The following LINGO2 variants were observed in gnomAD, a reference collection of about 807,000 sequenced individuals.
The protein encoded by LINGO2 is leucine rich repeat and Ig domain containing 2, also known as leucine-rich repeat and immunoglobulin-like domain-containing nogo receptor-interacting protein 2.
LINGO2 carries 14 observed loss-of-function variants against 30.6 expected under a neutral mutation model. The ratio of observed to expected loss-of-function variants is 0.46; its 90% CI spans 0.30 to 0.72. The LOEUF (loss-of-function observed/expected upper bound fraction) is 0.72, where lower values mean the gene tolerates loss of function less well. Ranked by LOEUF, LINGO2 falls within the 30% of genes least tolerant of loss-of-function variation. The probability of loss-of-function intolerance (pLI) is 0.07; values close to 1 mark genes in which losing one functional copy is unlikely to be tolerated. For missense variants in LINGO2, 729 were observed against 751.7 expected (o/e 0.97, Z 0.35); for synonymous variants, 317 against 288.5 (o/e 1.10, Z -1.00).
In LINGO2 at chr9:28,496,792, G is replaced by C. The variant is rs192493811; in HGVS notation, c.-364-20767C>G. Reference sequence around the variant, plus strand: ...AATTTGGCATGTTTTTGCAGTGGCTGGTACCAGTTGTTCCTTTCCATGTTT... The same window carrying C: ...AATTTGGCATGTTTTTGCAGTGGCTCGTACCAGTTGTTCCTTTCCATGTTT... On this transcript the variant is annotated intron_variant, in intron 1 of 5. Transcript: ENST00000379992. Among the ~76,000 whole-genome samples, 1,278 of 152,258 alleles carry C rather than the reference G, an allele frequency of 8.4e-3. 14 individuals are homozygous for C. Among genetic ancestry groups the C allele is most frequent in the East Asian group, 0.021 (109 of 5,178 alleles).
Position 28,311,243 on chromosome 9 carries a change from T to C in LINGO2, c.-245-15877A>G, listed in dbSNP as rs573041879. Among the ~76,000 whole-genome samples, 6 of 152,030 alleles carry C rather than the reference T, an allele frequency of 3.9e-5. No individual in the cohort carries two copies. The South Asian group carries it at 1.2e-3, about 32-fold the overall frequency. On this transcript the variant is annotated intron_variant, in intron 3 of 5. Coordinates refer to ENST00000379992, the Ensembl canonical transcript of LINGO2. ...TCACATGCTTCACAAGGTAATAGAA[T>C]ATCACAAGGCAAATGGAGGCAGGGC...
At chr9:28,140,100 G>A (rs1563997482) in intron 4 of LINGO2, among the ~76,000 whole-genome samples, 1 of 152,146 alleles carries the variant, frequency 6.6e-6, no homozygotes, top group South Asian at 2.1e-4. Flanking sequence ...ATCTAAGCCA[G>A]GCTAAATCTT....
chr9:28,408,774 C>CAAAAAAAAAA (rs68142692), intron 2 of LINGO2, among the ~76,000 whole-genome samples: 3 of 127,480 alleles, frequency 2.4e-5, no homozygotes, highest in African/African-American at 6.5e-5. Context: ...TATAAAAAAA[C>CAAAAAAAAAA]AAAAAAAAAA....
chr9:28,853,329 A>C, the LINGO2 span, among the ~76,000 whole-genome samples: 2 of 152,052 alleles, frequency 1.3e-5, no homozygotes, highest in African/African-American at 4.8e-5. Flanking sequence ...AATGCATTTC[A>C]CAGACTCATT....
chr9:28,263,966 TG>T (rs1822655962), intron 4 of LINGO2, among the ~76,000 whole-genome samples: 1 of 151,954 alleles, frequency 6.6e-6, no homozygotes, highest in African/African-American at 2.4e-5. Flanking sequence ...GATTATTATT[TG>T]TTACTTAAAA....
intron 4 of LINGO2, among the ~76,000 whole-genome samples, chr9:28,089,641 C>T (rs964253592): frequency 4.6e-5 from 7 of 152,072 alleles, no homozygotes; most frequent in Middle Eastern, 3.2e-3. Context: ...AACCTAACAT[C>T]ACAATGAAAA....
At chr9:28,338,587 T>TC (rs1472748673) in intron 3 of LINGO2, among the ~76,000 whole-genome samples, 1 of 152,052 alleles carries the variant, frequency 6.6e-6, no homozygotes, top group Admixed American at 6.6e-5. Context: ...TTCCTATAAT[T>TC]CCCCCATGTA....
At chr9:28,591,343 G>A (rs1303016801) in intron 1 of LINGO2, among the ~76,000 whole-genome samples, 1 of 151,878 alleles carries the variant, frequency 6.6e-6, no homozygotes, top group Non-Finnish European at 1.5e-5. Context: ...CTGATTGGGA[G>A]ATTCCTGTTC....
chr9:28,591,137 C>A (rs1302565437), intron 1 of LINGO2, among the ~76,000 whole-genome samples: 4 of 150,934 alleles, frequency 2.7e-5, no homozygotes, highest in African/African-American at 7.3e-5. Flanking sequence ...GAAGGGGAAC[C>A]TCACACACTG....
At chr9:28,580,925 T>A (rs1824228116) in intron 1 of LINGO2, among the ~76,000 whole-genome samples, 1 of 151,962 alleles carries the variant, frequency 6.6e-6, no homozygotes, top group African/African-American at 2.4e-5. Context: ...AAATAAACAT[T>A]TTTTCACTGT....
At chr9:28,202,932 T>C (rs1469078143) in intron 4 of LINGO2, among the ~76,000 whole-genome samples, 1 of 152,214 alleles carries the variant, frequency 6.6e-6, no homozygotes, top group African/African-American at 2.4e-5. Flanking sequence ...CACAGGCTTA[T>C]TGTGAATAGA....
chr9:28,432,734 C>G (rs1347607542), intron 2 of LINGO2, among the ~76,000 whole-genome samples: 1 of 152,054 alleles, frequency 6.6e-6, no homozygotes, highest in East Asian at 1.9e-4. Context: ...TTATAAGATA[C>G]ATTTTGTATT....
the LINGO2 span, among the ~76,000 whole-genome samples, chr9:28,782,282 G>A: frequency 6.6e-6 from 1 of 152,134 alleles, no homozygotes; most frequent in African/African-American, 2.4e-5. Flanking sequence ...CTCAAAATGA[G>A]ACTGAATGTG....
At chr9:28,989,806 T>C in the LINGO2 span, among the ~76,000 whole-genome samples, 2 of 152,302 alleles carry the variant, frequency 1.3e-5, no homozygotes, top group East Asian at 1.9e-4. Flanking sequence ...AAGTGGAACA[T>C]AAACATATGT....
At chr9:27,959,415 C>T (rs1181737959) in intron 5 of LINGO2, among the ~76,000 whole-genome samples, 5 of 152,144 alleles carry the variant, frequency 3.3e-5, no homozygotes, top group African/African-American at 9.6e-5. Flanking sequence ...TCCCTTTCTA[C>T]ATGCTTTAGC....
chr9:28,428,264 T>A (rs1173768132), intron 2 of LINGO2, among the ~76,000 whole-genome samples: 3 of 151,918 alleles, frequency 2.0e-5, no homozygotes, highest in Non-Finnish European at 4.4e-5. Context: ...GGAACAAGGG[T>A]TTCTGATATT....
At chr9:29,089,434 A>G in the LINGO2 span, among the ~76,000 whole-genome samples, 10 of 151,962 alleles carry the variant, frequency 6.6e-5, no homozygotes, top group Non-Finnish European at 7.4e-5. Context: ...AAGCTGCTTC[A>G]AGATCTTCTC....
intron 4 of LINGO2, among the ~76,000 whole-genome samples, chr9:28,236,686 A>C (rs1821578202): frequency 6.6e-6 from 1 of 152,170 alleles, no homozygotes; most frequent in Non-Finnish European, 1.5e-5. Flanking sequence ...AAATCAAAAC[A>C]ATTGAAACCA....
In LINGO2 at chr9:28,147,156, G is replaced by A. The variant is rs1827837338; in HGVS notation, c.-86-134751C>T. ...AAGACCTCCTTCGAGGTGTTCATGT[G>A]CTTATTACAGATATGCCATGGTGCT... On this transcript the variant is annotated intron_variant, in intron 4 of 5. Coordinates refer to ENST00000379992, the Ensembl canonical transcript of LINGO2. This position sits in a 1 kb window ranked among gnomAD's most constrained non-coding sequence, Gnocchi z 4.7. Among the ~76,000 whole-genome samples the A allele has an allele frequency of 6.6e-6, 1 of 152,198 alleles. No homozygotes were observed. The highest frequency in any genetic ancestry group is 2.4e-5 in the African/African-American group (1 of 41,440).
Sources: gnomAD v4.1 joint callset for allele counts (sites outside exome capture counted in the v4.1 genomes callset) on GRCh38, gnomAD v4.1.1 for gene constraint, Gnocchi (gnomAD v3.1) non-coding constraint, MANE v1.5 for transcripts, NCBI Gene and HGNC (gene_info 2026-07-23, HGNC 2026-07-21) for gene names.